MAGI1: variants seen among roughly 807,000 people sequenced by gnomAD.
The protein encoded by MAGI1 is membrane-associated guanylate kinase, WW and PDZ domain-containing protein 1.
A neutral mutation model predicts 139.9 loss-of-function variants in MAGI1; 58 were observed. The observed-to-expected ratio is 0.41, with a 90% confidence interval of 0.34 to 0.52. MAGI1 has a LOEUF of 0.52. Ranked by LOEUF, MAGI1 falls within the 20% of genes least tolerant of loss-of-function variation. The pLI is 0.12. For missense variants in MAGI1, 1,874 were observed against 1,901.6 expected, an observed-to-expected ratio of 0.99 and a Z score of 0.27; for synonymous variants, 812 against 737.9, an observed-to-expected ratio of 1.10 and a Z score of -1.63.
intron 1 of MAGI1, chr3:65,687,810 G>C: frequency 1.7e-6 from 1 of 589,578 alleles, no homozygotes; most frequent in Non-Finnish European, 3.4e-6. Flanking sequence ...CAGTTCTTCT[G>C]ATGCTACAGT....
At chr3:65,806,946 C>T (rs574645801) in intron 1 of MAGI1, among the ~76,000 whole-genome samples, 44 of 152,248 alleles carry the variant, frequency 2.9e-4, no homozygotes, top group Non-Finnish European at 5.3e-4. Flanking sequence ...ATGATGATAA[C>T]GATGGAAACA....
chr3:65,554,282 T>C (rs987899973), intron 2 of MAGI1, among the ~76,000 whole-genome samples: 4 of 152,108 alleles, frequency 2.6e-5, no homozygotes, highest in African/African-American at 7.2e-5. Context: ...ACAGTAATAA[T>C]CATCAAAATA....
At chr3:65,507,946 A>G (rs920952096) in intron 2 of MAGI1, among the ~76,000 whole-genome samples, 1 of 152,102 alleles carries the variant, frequency 6.6e-6, no homozygotes, top group African/African-American at 2.4e-5. Flanking sequence ...TAATGCTTCT[A>G]AACATTTGCT....
chr3:65,535,760 A>G (rs7620438), intron 2 of MAGI1, among the ~76,000 whole-genome samples: 37,760 of 152,186 alleles, frequency 0.25, 4,989 homozygotes, highest in Middle Eastern at 0.31. Flanking sequence ...AATGAAAATT[A>G]ATATTTCTTA....
intron 1 of MAGI1, among the ~76,000 whole-genome samples, chr3:65,907,213 T>C (rs898291170): frequency 2.0e-5 from 3 of 152,230 alleles, no homozygotes; most frequent in African/African-American, 7.2e-5. Context: ...TCCCTTTGGT[T>C]TCAAATATAG....
chr3:65,693,731 G>C, intron 1 of MAGI1, among the ~76,000 whole-genome samples: 1 of 151,578 alleles, frequency 6.6e-6, no homozygotes, highest in South Asian at 2.1e-4. Context: ...TGTTGTTGTT[G>C]TTTTGTTTTG....
chr3:66,038,198 C>A lies in MAGI1; in HGVS notation c.111G>T (p.Glu37Asp). ...CTCCGACGTACGGAAACTCCCCGTG[C>A]TCCGCGCCTCCCAGCACCGTCACCC... ...ELGVTVLGGA[E>D]HGEFPYVGAV... Residue 37 changes from glutamate (E) to aspartate (D), a missense_variant, in exon 1 of 23, where the codon GAG (glutamate) becomes GAT (aspartate). Transcript: ENST00000402939. 6.2e-7 allele frequency: 1 copy of A among 1,612,316 alleles called. No homozygotes were observed. Among genetic ancestry groups the A allele is most frequent in the Non-Finnish European group, 8.5e-7 (1 of 1,179,758 alleles).
chr3:65,427,847 T>C (rs1334001489), intron 12 of MAGI1, among the ~76,000 whole-genome samples: 1 of 152,192 alleles, frequency 6.6e-6, no homozygotes, highest in Non-Finnish European at 1.5e-5. Flanking sequence ...ACCATCATCA[T>C]TATTGTCATA....
chr3:65,534,318 C>T (rs1216002470), intron 2 of MAGI1, among the ~76,000 whole-genome samples: 1 of 151,876 alleles, frequency 6.6e-6, no homozygotes, highest in Non-Finnish European at 1.5e-5. Context: ...CTCATCTCTA[C>T]AAAAATAAAT....
At chr3:65,724,397 T>C (rs1576894164) in intron 1 of MAGI1, among the ~76,000 whole-genome samples, 2 of 152,250 alleles carry the variant, frequency 1.3e-5, no homozygotes, top group South Asian at 2.1e-4. Context: ...CACCTGAGCA[T>C]AGCCATAACT....
rs527583880 is a variant in MAGI1, at chr3:65,837,585, G to A, written c.313+200411C>T. Reference sequence around the variant, plus strand: ...CACCCAGCTGCTTACCCAACCATGGGGGCCAACGTCCTGATGCTTGGTAAC... The same window carrying A: ...CACCCAGCTGCTTACCCAACCATGGAGGCCAACGTCCTGATGCTTGGTAAC... On this transcript the variant is annotated intron_variant, in intron 1 of 22. Coordinates refer to ENST00000402939, the MANE Select transcript of MAGI1 (RefSeq NM_001033057.2). Among the ~76,000 whole-genome samples the A allele has an allele frequency of 2.6e-5, 4 of 152,234 alleles. No homozygotes were observed. The South Asian group carries it at 6.2e-4, about 24-fold the overall frequency.
At chr3:65,609,028 A>G (rs1321480355) in intron 2 of MAGI1, among the ~76,000 whole-genome samples, 1 of 152,176 alleles carries the variant, frequency 6.6e-6, no homozygotes. Context: ...ATGAAATTCA[A>G]AGACAGGCAA....
intron 2 of MAGI1, among the ~76,000 whole-genome samples, chr3:65,588,441 C>T (rs1029143597): frequency 1.6e-4 from 24 of 152,080 alleles, no homozygotes; most frequent in African/African-American, 5.6e-4. Context: ...CAAACTACTC[C>T]CCATATGTAA....
At chr3:66,012,511 C>A (rs958332039) in intron 1 of MAGI1, among the ~76,000 whole-genome samples, 1 of 151,918 alleles carries the variant, frequency 6.6e-6, no homozygotes, top group African/African-American at 2.4e-5. Flanking sequence ...GAGATAAAAA[C>A]AGACAACCAT....
intron 1 of MAGI1, among the ~76,000 whole-genome samples, chr3:65,921,728 A>G (rs745471934): frequency 7.2e-5 from 11 of 152,168 alleles, no homozygotes; most frequent in African/African-American, 1.4e-4. Context: ...CACAAAATCA[A>G]TCAAAGGAGA....
At chr3:65,727,358 C>T (rs1400908650) in intron 1 of MAGI1, among the ~76,000 whole-genome samples, 2 of 152,124 alleles carry the variant, frequency 1.3e-5, no homozygotes, top group African/African-American at 2.4e-5. Context: ...GAGTTACAAT[C>T]GAATTATTAT....
At chr3:65,931,877 G>A (rs1411640316) in intron 1 of MAGI1, among the ~76,000 whole-genome samples, 1 of 152,120 alleles carries the variant, frequency 6.6e-6, no homozygotes, top group East Asian at 1.9e-4. Context: ...GACTAGAGAA[G>A]GGTAAGTGTA....
At chr3:65,520,638 T>C (rs1031447856) in intron 2 of MAGI1, among the ~76,000 whole-genome samples, 1 of 152,148 alleles carries the variant, frequency 6.6e-6, no homozygotes, top group African/African-American at 2.4e-5. Flanking sequence ...CACCATATCA[T>C]TCAACATTCT....
At chr3:65,733,153 G>A (rs2034359848) in intron 1 of MAGI1, among the ~76,000 whole-genome samples, 1 of 152,066 alleles carries the variant, frequency 6.6e-6, no homozygotes, top group African/African-American at 2.4e-5. Context: ...CCGCCTCCTG[G>A]GTTCAAGCAA....
Sources: allele counts gnomAD v4.1 joint callset (sites outside exome capture counted in the v4.1 genomes callset), GRCh38; gene constraint gnomAD v4.1.1; transcripts MANE v1.5; gene names NCBI Gene and HGNC (gene_info 2026-07-23, HGNC 2026-07-21).